SGPL1: variants seen among roughly 807,000 people sequenced by gnomAD.
SGPL1 encodes the protein sphingosine-1-phosphate lyase 1.
SGPL1 carries 37 observed loss-of-function variants against 68.9 expected under a neutral mutation model. The observed-to-expected ratio is 0.54, with a 90% CI of 0.41 to 0.71. SGPL1 has a LOEUF of 0.71. SGPL1 is among the 30% of genes least tolerant of loss of function. The probability of loss-of-function intolerance (pLI) is 0.00; values close to 1 mark genes in which losing one functional copy is unlikely to be tolerated. For synonymous variants in SGPL1, 236 were observed against 248.5 expected (o/e 0.95, Z 0.47); for missense variants, 551 against 704.6 (o/e 0.78, Z 2.47).
Position 70,880,627 on chromosome 10 carries a change from T to C in SGPL1, c.*3292T>C, listed in dbSNP as rs1055050849. On this transcript the variant is annotated 3_prime_UTR_variant, in exon 15 of 15. Coordinates refer to ENST00000373202, the MANE Select transcript of SGPL1 (RefSeq NM_003901.4). ...AACTGCTGGAGATCTTATTCTATTA[T>C]GAATAAGAAACGAGAAGTTTTTCCA... 1.8e-4 allele frequency: 28 copies of C among 152,248 alleles called. No homozygotes were observed. Among genetic ancestry groups the C allele is most frequent in the South Asian group, 1.2e-3 (6 of 4,834 alleles). 9.4% of individuals were successfully genotyped at this position (152,248 alleles called of 1,614,324 possible). A position where few individuals can be genotyped will look rare whatever the true frequency, so the allele number is the denominator to read the frequency against.
intron 7 of SGPL1, chr10:70,866,836 C>G (rs922310682): frequency 2.6e-5 from 4 of 152,202 alleles, no homozygotes; most frequent in Non-Finnish European, 4.4e-5. Context: ...AATGACTTTT[C>G]TCAGTTCATC....
At chr10:70,818,089 G>A (rs1032772675) in intron 2 of SGPL1, among the ~76,000 whole-genome samples, 1 of 151,902 alleles carries the variant, frequency 6.6e-6, no homozygotes. Flanking sequence ...AAAGTGTCCG[G>A]GTTTAGTTTT....
At chr10:70,862,510 C>G (rs1846088621) in intron 7 of SGPL1, among the ~76,000 whole-genome samples, 1 of 152,100 alleles carries the variant, frequency 6.6e-6, no homozygotes, top group Non-Finnish European at 1.5e-5. Flanking sequence ...GCTCGGGTCC[C>G]CTTCCACACT....
chr10:70,863,655 C>G (rs1382293677), intron 7 of SGPL1, among the ~76,000 whole-genome samples: 2 of 152,082 alleles, frequency 1.3e-5, no homozygotes, highest in Non-Finnish European at 2.9e-5. Context: ...AAGTCAAATC[C>G]TTAGCTTGTC....
At chr10:70,869,737 TG>T in intron 8 of SGPL1, 54 bp from the exon 9 acceptor site, 1 of 1,271,864 alleles carries the variant, frequency 7.9e-7, no homozygotes, top group Non-Finnish European at 1.1e-6. Flanking sequence ...CTGCTAATGG[TG>T]TTTTCTATTA....
chr10:70,835,756 A>C (rs551217764), intron 2 of SGPL1, among the ~76,000 whole-genome samples: 140 of 151,766 alleles, frequency 9.2e-4, no homozygotes, highest in African/African-American at 3.3e-3. Flanking sequence ...AAAAAAAAGA[A>C]ATGCCAAGAA....
chr10:70,847,353 T>C (rs548270464), intron 3 of SGPL1, among the ~76,000 whole-genome samples: 21 of 152,250 alleles, frequency 1.4e-4, no homozygotes, highest in African/African-American at 4.8e-4. Flanking sequence ...TTCGCCATGT[T>C]GGCCAGGCTG....
intron 12 of SGPL1, among the ~76,000 whole-genome samples, chr10:70,874,725 A>G (rs1434143471): frequency 6.6e-6 from 1 of 152,160 alleles, no homozygotes; most frequent in Non-Finnish European, 1.5e-5. Flanking sequence ...CTCCATCTCA[A>G]AAATAAAAAA....
chr10:70,843,256 C>T (rs1339737530), intron 2 of SGPL1, among the ~76,000 whole-genome samples: 1 of 145,350 alleles, frequency 6.9e-6, no homozygotes, highest in Non-Finnish European at 1.5e-5. Context: ...TATGTATGTG[C>T]CTGTGTGTGT....
intron 4 of SGPL1, among the ~76,000 whole-genome samples, chr10:70,852,837 G>A (rs1405239668): frequency 6.6e-6 from 1 of 152,196 alleles, no homozygotes. Context: ...ATATGGTGGT[G>A]AACAAGACCA....
intron 2 of SGPL1, among the ~76,000 whole-genome samples, chr10:70,828,759 C>T (rs967886524): frequency 6.6e-6 from 1 of 152,160 alleles, no homozygotes; most frequent in Non-Finnish European, 1.5e-5. Context: ...ACTTTATACT[C>T]AATATTGGGG....
chr10:70,859,852 TA>T (rs1846021390), intron 7 of SGPL1, among the ~76,000 whole-genome samples: 1 of 151,032 alleles, frequency 6.6e-6, no homozygotes, highest in Non-Finnish European at 1.5e-5. Flanking sequence ...TTAGATTCAC[TA>T]AATGTAAATA....
chr10:70,881,158 A>C lies in SGPL1; in HGVS notation c.*3823A>C, dbSNP rs778218230. The C allele has an allele frequency of 2.6e-5, 4 of 152,110 alleles. No individual in the cohort carries two copies. The highest frequency in any genetic ancestry group is 5.9e-5 in the Non-Finnish European group (4 of 68,034). The allele number at this position is 152,110 out of a possible 1,614,324, so 9.4% of individuals were successfully genotyped here. A position where few individuals can be genotyped will look rare whatever the true frequency, so the allele number is the denominator to read the frequency against. On this transcript the variant is annotated 3_prime_UTR_variant, in exon 15 of 15. Transcript: ENST00000373202. ...CAATTATTTGGATTAATTTTAGAAT[A>C]AACCTATTTATTTCTAAAAAAAAAA... is the stretch of plus-strand genomic sequence containing the variant.
rs1159717382 is a variant in SGPL1, at chr10:70,877,581, G to A, written c.*246G>A. 1 of 448,274 alleles carries A rather than the reference G, an allele frequency of 2.2e-6. No homozygotes were observed. The highest frequency in any genetic ancestry group is 3.2e-5 in the East Asian group (1 of 30,836). The allele number at this position is 448,274 out of a possible 1,614,324, so 27.8% of individuals were successfully genotyped here. A position where few individuals can be genotyped will look rare whatever the true frequency, so the allele number is the denominator to read the frequency against. ...TGCCCTTGTTATAAATGTTACCCTA[G>A]GAATTGTTTTAACCATTTCCTTTTC... On this transcript the variant is annotated 3_prime_UTR_variant, in exon 15 of 15. Coordinates refer to ENST00000373202, the MANE Select transcript of SGPL1 (RefSeq NM_003901.4).
rs1187103079 is a variant in SGPL1 at position 70,875,392 on chromosome 10, T to G, written c.1299-10T>G. Reference sequence around the variant, plus strand: ...ACTTTTTCTTCCTTCATTTATTTTTTTGTTTTAAGACTGGAAAATATCAAA... The same window carrying G: ...ACTTTTTCTTCCTTCATTTATTTTTGTGTTTTAAGACTGGAAAATATCAAA... On this transcript the variant is annotated splice_polypyrimidine_tract_variant and intron_variant, in intron 12 of 14. Transcript: ENST00000373202. 1.4e-5 allele frequency: 22 copies of G among 1,546,058 alleles called. No homozygotes were observed. Among genetic ancestry groups the G allele is most frequent in the Non-Finnish European group, 1.8e-5 (20 of 1,123,946 alleles).
chr10:70,873,614 G>C, intron 12 of SGPL1, 25 bp downstream of exon 12: 1 of 1,555,112 alleles, frequency 6.4e-7, no homozygotes, highest in South Asian at 1.1e-5. Flanking sequence ...CTGGGGTTCT[G>C]CCTTGTCTAT....
intron 9 of SGPL1, among the ~76,000 whole-genome samples, chr10:70,870,487 GAC>G (rs1199406216): frequency 3.7e-5 from 5 of 136,314 alleles, no homozygotes; most frequent in African/African-American, 1.4e-4. Flanking sequence ...CAGCTTGGGT[GAC>G]AGAGCAAGAC....
Position 70,868,331 on chromosome 10 carries a change from C to A in SGPL1, c.616-14C>A, listed in dbSNP as rs1432584432. On this transcript the variant is annotated splice_polypyrimidine_tract_variant and intron_variant, in intron 7 of 14. Coordinates refer to ENST00000373202, the MANE Select transcript of SGPL1 (RefSeq NM_003901.4). ...CTGACTCCCCCAACAGATGGCATCT[C>A]TTCTTTATTATAGGTGACTTCTGGG... The A allele has an allele frequency of 8.8e-6, 14 of 1,590,000 alleles. No homozygotes were observed. The highest frequency in any genetic ancestry group is 1.1e-5 in the Non-Finnish European group (13 of 1,164,778).
Position 70,818,834 on chromosome 10 carries a change from G to C in SGPL1, c.27+1954G>C, listed in dbSNP as rs142515938. The stretch of plus-strand genomic sequence containing the variant: ...ATATAACTTAAAATTCTTATTCAAA[G>C]ACCATTATGTTAGAAATACTGGAAA... On this transcript the variant is annotated intron_variant, in intron 2 of 14. Coordinates refer to ENST00000373202, the MANE Select transcript of SGPL1 (RefSeq NM_003901.4). Among the ~76,000 whole-genome samples, 3 of 152,226 alleles carry C rather than the reference G, an allele frequency of 2.0e-5. No homozygotes were observed. In the East Asian group the frequency reaches 5.8e-4, roughly 29 times the overall value.
Sources: allele counts gnomAD v4.1 joint callset (sites outside exome capture counted in the v4.1 genomes callset), GRCh38; gene constraint gnomAD v4.1.1; transcripts MANE v1.5; gene names NCBI Gene and HGNC (gene_info 2026-07-23, HGNC 2026-07-21).